The following NKAIN2 variants were observed in gnomAD, a reference collection of about 807,000 sequenced individuals.
NKAIN2 encodes sodium/potassium-transporting ATPase subunit beta-1-interacting protein 2.
NKAIN2 carries 14 observed loss-of-function variants against 32.6 expected under a neutral mutation model. That is an observed-to-expected ratio of 0.43 (90% CI 0.28 to 0.67). NKAIN2 has a LOEUF of 0.67. Among genes scored for constraint, NKAIN2 ranks in the 30% least tolerant of loss-of-function variants. NKAIN2 has a pLI of 0.17. For missense variants in NKAIN2, 198 were observed against 258.3 expected (o/e 0.77, Z 1.60); for synonymous variants, 80 against 87.2 (o/e 0.92, Z 0.46).
chr6:124,747,948 A>G (rs1264503485), intron 4 of NKAIN2, among the ~76,000 whole-genome samples: 5 of 151,930 alleles, frequency 3.3e-5, no homozygotes, highest in Admixed American at 6.6e-5. Flanking sequence ...AGTGCTTCAC[A>G]AACAATTTTT....
intron 3 of NKAIN2, among the ~76,000 whole-genome samples, chr6:124,563,070 A>AT (rs899734392): frequency 7.9e-5 from 12 of 151,674 alleles, no homozygotes; most frequent in Non-Finnish European, 1.6e-4. Context: ...TGCCCGGCTA[A>AT]TTTTTTTGTA....
intron 1 of NKAIN2, among the ~76,000 whole-genome samples, chr6:124,084,638 A>T (rs763386694): frequency 1.3e-4 from 20 of 152,056 alleles, no homozygotes; most frequent in Admixed American, 3.3e-4. Context: ...ACCTCACTTT[A>T]TCCAGGAAAG....
At chr6:124,559,925 G>A (rs191728860) in intron 3 of NKAIN2, among the ~76,000 whole-genome samples, 1 of 133,276 alleles carries the variant, frequency 7.5e-6, no homozygotes, top group East Asian at 2.3e-4. Flanking sequence ...TATTCTGACT[G>A]ATGCATCTGC....
At chr6:124,225,528 G>C (rs1359636400) in intron 1 of NKAIN2, among the ~76,000 whole-genome samples, 1 of 151,840 alleles carries the variant, frequency 6.6e-6, no homozygotes, top group Non-Finnish European at 1.5e-5. Context: ...CTGACTTAAG[G>C]ATTGGAAAGT....
intron 4 of NKAIN2, among the ~76,000 whole-genome samples, chr6:124,716,665 TCTTAGGG>T (rs1315866601): frequency 6.6e-6 from 1 of 152,156 alleles, no homozygotes; most frequent in Non-Finnish European, 1.5e-5. Flanking sequence ...AACACTCCAG[TCTTAGGG>T]CTTAGCACCT....
At chr6:124,347,440 G>A (rs919682749) in intron 2 of NKAIN2, among the ~76,000 whole-genome samples, 1 of 152,104 alleles carries the variant, frequency 6.6e-6, no homozygotes, top group Non-Finnish European at 1.5e-5. Context: ...TTTCCAACTT[G>A]GTTCCATTCT....
chr6:124,028,311 A>C (rs1490792495), intron 1 of NKAIN2, among the ~76,000 whole-genome samples: 4 of 148,904 alleles, frequency 2.7e-5, no homozygotes, highest in Admixed American at 2.0e-4. Flanking sequence ...TCTAACTCTG[A>C]ATGAGGAGTG....
At chr6:124,282,032 G>A (rs527405963) in intron 1 of NKAIN2, among the ~76,000 whole-genome samples, 10 of 152,194 alleles carry the variant, frequency 6.6e-5, no homozygotes, top group African/African-American at 2.2e-4. Flanking sequence ...GGGCAGGCAG[G>A]AAGAATAAAG....
chr6:124,239,537 A>C (rs1089567), intron 1 of NKAIN2, among the ~76,000 whole-genome samples: 118,117 of 152,064 alleles, frequency 0.78, 46,044 homozygotes, highest in South Asian at 0.85. Context: ...AAAATCATAA[A>C]AAACAGTCTC....
At chr6:124,415,878 C>CTG (rs1774444366) in intron 3 of NKAIN2, among the ~76,000 whole-genome samples, 1 of 72,590 alleles carries the variant, frequency 1.4e-5, no homozygotes, top group Non-Finnish European at 2.6e-5. Context: ...TTTTTATTTG[C>CTG]TTTTTTTTTT....
intron 1 of NKAIN2, among the ~76,000 whole-genome samples, chr6:123,837,969 A>G (rs1271053339): frequency 6.6e-6 from 1 of 152,202 alleles, no homozygotes; most frequent in Non-Finnish European, 1.5e-5. Flanking sequence ...TGTATAAAAC[A>G]GAGTTATGCA....
chr6:124,677,685 G>T (rs532014245), intron 4 of NKAIN2, among the ~76,000 whole-genome samples: 1 of 151,924 alleles, frequency 6.6e-6, no homozygotes, highest in Non-Finnish European at 1.5e-5. Context: ...TATTTTTATA[G>T]TAATAGTTAT....
intron 2 of NKAIN2, among the ~76,000 whole-genome samples, chr6:124,350,459 G>A (rs1489604015): frequency 6.6e-6 from 1 of 152,152 alleles, no homozygotes; most frequent in Non-Finnish European, 1.5e-5. Flanking sequence ...GATTAAGATA[G>A]GAGGTATAAG....
chr6:124,326,812 T>G (rs1186638182), intron 2 of NKAIN2, among the ~76,000 whole-genome samples: 1 of 152,188 alleles, frequency 6.6e-6, no homozygotes, highest in Non-Finnish European at 1.5e-5. Flanking sequence ...TTTTGTTTCT[T>G]AACTTGAGTA....
intron 3 of NKAIN2, among the ~76,000 whole-genome samples, chr6:124,544,818 C>T (rs1780036199): frequency 6.6e-6 from 1 of 152,088 alleles, no homozygotes; most frequent in Non-Finnish European, 1.5e-5. Context: ...GAAAATGAGG[C>T]AATAGACCTA....
At chr6:124,078,965 T>G (rs938846512) in intron 1 of NKAIN2, among the ~76,000 whole-genome samples, 1 of 152,196 alleles carries the variant, frequency 6.6e-6, no homozygotes, top group Admixed American at 6.5e-5. Flanking sequence ...TTCTTCTTCC[T>G]CTTACTATTT....
chr6:124,444,262 A>T (rs1775803330), intron 3 of NKAIN2, among the ~76,000 whole-genome samples: 1 of 152,100 alleles, frequency 6.6e-6, no homozygotes, highest in South Asian at 2.1e-4. Flanking sequence ...TCTTATAAAA[A>T]TAGATTCTTA....
chr6:124,111,035 G>C (rs1314816781), intron 1 of NKAIN2, among the ~76,000 whole-genome samples: 2 of 151,992 alleles, frequency 1.3e-5, no homozygotes, highest in South Asian at 2.1e-4. Flanking sequence ...TTATGATGTA[G>C]TTTTGATATG....
chr6:124,266,164 G>A (rs547185733), intron 1 of NKAIN2, among the ~76,000 whole-genome samples: 7 of 152,158 alleles, frequency 4.6e-5, no homozygotes, highest in African/African-American at 1.2e-4. Context: ...TTTATATAAA[G>A]AAGCATTCTA....
Sources: gnomAD v4.1 joint callset for allele counts (sites outside exome capture counted in the v4.1 genomes callset) on GRCh38, gnomAD v4.1.1 for gene constraint, MANE v1.5 for transcripts, NCBI Gene and HGNC (gene_info 2026-07-23, HGNC 2026-07-21) for gene names.